RPTOR: variants seen among roughly 807,000 people sequenced by gnomAD.
RPTOR encodes the protein regulatory-associated protein of mTOR.
In RPTOR, 21 loss-of-function variants were observed where a neutral mutation model predicts 169.9. The ratio of observed to expected loss-of-function variants is 0.12; its 90% CI spans 0.09 to 0.18. RPTOR has a LOEUF of 0.18. Ranked by LOEUF, RPTOR falls within the 10% of genes least tolerant of loss-of-function variation. The pLI is 1.00. For missense variants in RPTOR, 1,133 were observed against 1,855.9 expected, an observed-to-expected ratio of 0.61 and a Z score of 7.16; for synonymous variants, 732 against 753.2, an observed-to-expected ratio of 0.97 and a Z score of 0.46.
chr17:80,694,970 A>G (rs117429647), intron 3 of RPTOR, among the ~76,000 whole-genome samples: 4,528 of 152,268 alleles, frequency 0.03, 80 homozygotes, highest in Non-Finnish European at 0.039. Context: ...GGTGCTCCCC[A>G]GAAGCCTCTG....
At chr17:80,552,707 A>G (rs1380441691) in intron 1 of RPTOR, among the ~76,000 whole-genome samples, 2 of 152,236 alleles carry the variant, frequency 1.3e-5, no homozygotes, top group Non-Finnish European at 2.9e-5. Context: ...CGTGTTACTG[A>G]TGAGGTAACT....
chr17:80,695,456 T>C lies in RPTOR; in HGVS notation c.349-12385T>C, dbSNP rs1258987606. On this transcript the variant is annotated intron_variant, in intron 3 of 33. Coordinates refer to ENST00000306801, the MANE Select transcript of RPTOR (RefSeq NM_020761.3). The surrounding 1 kb of genome is among the most constrained non-coding windows in gnomAD (Gnocchi z 4.9). ...GACCTGTGCTCTCTCCCTGTAACAG[T>C]GGCCTCTGTTACAGAGGGGCAGGTG... Among the ~76,000 whole-genome samples, 1 of 152,152 alleles carries C rather than the reference T, an allele frequency of 6.6e-6. No homozygotes were observed. The highest frequency in any genetic ancestry group is 6.5e-5 in the Admixed American group (1 of 15,280).
intron 21 of RPTOR, among the ~76,000 whole-genome samples, chr17:80,913,871 A>G (rs1025037988): frequency 4.6e-5 from 7 of 152,310 alleles, no homozygotes; most frequent in Admixed American, 2.6e-4. Flanking sequence ...TTTTAGGACA[A>G]TGCCAAGAAA....
Position 80,928,323 on chromosome 17 carries a change from A to G in RPTOR, c.2919+2843A>G, listed in dbSNP as rs117944522. 6.6e-3 allele frequency among the ~76,000 whole-genome samples: 1,000 copies of G among 152,314 alleles called. 5 individuals are homozygous for G. The highest frequency in any genetic ancestry group is 0.011 in the Non-Finnish European group (748 of 68,030). On this transcript the variant is annotated intron_variant, in intron 24 of 33. Transcript: ENST00000306801. ...TTTTACTGATTTAATTCATCATCTAATGACATTTGTGTAACGAGCTGCATT... is the reference window on the plus strand; with the variant it reads ...TTTTACTGATTTAATTCATCATCTAGTGACATTTGTGTAACGAGCTGCATT...
chr17:80,846,646 G>C, intron 11 of RPTOR, 72 bp downstream of exon 11: 1 of 1,295,650 alleles, frequency 7.7e-7, no homozygotes, highest in Non-Finnish European at 1.1e-6. Flanking sequence ...TACAGCCCCG[G>C]GAGTGCCTTC....
chr17:80,767,816 T>C (rs2066802631), intron 6 of RPTOR, among the ~76,000 whole-genome samples: 1 of 152,044 alleles, frequency 6.6e-6, no homozygotes, highest in Admixed American at 6.5e-5. Context: ...ACAAATCAGC[T>C]TACTTCCCTA....
At chr17:80,925,221 G>A in intron 23 of RPTOR, 149 bp from the exon 24 acceptor site, 3 of 643,266 alleles carry the variant, frequency 4.7e-6, no homozygotes, top group Non-Finnish European at 8.1e-6. Flanking sequence ...GGATACGGAA[G>A]TGAGCAGAGC....
intron 6 of RPTOR, among the ~76,000 whole-genome samples, chr17:80,762,864 A>C (rs1206554168): frequency 6.6e-6 from 1 of 152,190 alleles, no homozygotes; most frequent in African/African-American, 2.4e-5. Context: ...AAAAACGTAG[A>C]AAAGGAGAAA....
rs59248030 is a variant in RPTOR at position 80,768,010 on chromosome 17, C to T, written c.830+13825C>T. Among the ~76,000 whole-genome samples the T allele has an allele frequency of 8.6e-3, 1,309 of 152,126 alleles. 31 individuals carry two copies. The highest frequency in any genetic ancestry group is 0.03 in the African/African-American group (1,235 of 41,496). On this transcript the variant is annotated intron_variant, in intron 6 of 33. Coordinates refer to ENST00000306801, the MANE Select transcript of RPTOR (RefSeq NM_020761.3). ...TTCTGAGTAGCTGGGATTACAGGCA[C>T]GTAACACCATGCCTGGCTAATTTTT... is the stretch of plus-strand genomic sequence containing the variant.
At chr17:80,637,295 C>T (rs542840685) in intron 2 of RPTOR, among the ~76,000 whole-genome samples, 99 of 152,332 alleles carry the variant, frequency 6.5e-4, no homozygotes, top group Middle Eastern at 3.4e-3. Context: ...CCTGCTAGGT[C>T]ATCCGGATGA....
intron 6 of RPTOR, among the ~76,000 whole-genome samples, chr17:80,768,636 C>T (rs9890313): frequency 0.27 from 41,518 of 151,870 alleles, 5,841 homozygotes; most frequent in African/African-American, 0.33. Context: ...TTGTCTCCTG[C>T]TTGATGTCAT....
chr17:80,901,541 T>C (rs1191436714), intron 20 of RPTOR, among the ~76,000 whole-genome samples: 1 of 152,118 alleles, frequency 6.6e-6, no homozygotes, highest in Non-Finnish European at 1.5e-5. Context: ...GAGGTGTCAC[T>C]CACACCACCT....
chr17:80,782,236 A>T (rs1469516865), intron 6 of RPTOR, among the ~76,000 whole-genome samples: 1 of 152,162 alleles, frequency 6.6e-6, no homozygotes, highest in East Asian at 1.9e-4. Context: ...GTGGAAATTG[A>T]CACGGTGGAC....
At chr17:80,832,694 G>A (rs1051653519) in intron 9 of RPTOR, among the ~76,000 whole-genome samples, 3 of 152,150 alleles carry the variant, frequency 2.0e-5, no homozygotes, top group Non-Finnish European at 2.9e-5. Flanking sequence ...GAGCATCACC[G>A]GGGGCTCTGC....
intron 17 of RPTOR, among the ~76,000 whole-genome samples, chr17:80,889,164 T>A (rs763525621): frequency 6.6e-6 from 1 of 152,222 alleles, no homozygotes; most frequent in Non-Finnish European, 1.5e-5. Flanking sequence ...CAGCACTTGC[T>A]CACAGGTGGA....
chr17:80,687,364 C>G (rs1248885876), intron 3 of RPTOR, among the ~76,000 whole-genome samples: 1 of 152,234 alleles, frequency 6.6e-6, no homozygotes, highest in Non-Finnish European at 1.5e-5. Context: ...CCCACTCAGC[C>G]CATGTTTGTC....
At chr17:80,550,437 A>G (rs2084330640) in intron 1 of RPTOR, among the ~76,000 whole-genome samples, 1 of 152,128 alleles carries the variant, frequency 6.6e-6, no homozygotes, top group Non-Finnish European at 1.5e-5. Flanking sequence ...CTTGGACCCC[A>G]TTCTCTGTTC....
chr17:80,865,684 A>G (rs1480979016), intron 13 of RPTOR, among the ~76,000 whole-genome samples: 1 of 152,084 alleles, frequency 6.6e-6, no homozygotes, highest in Non-Finnish European at 1.5e-5. Flanking sequence ...TGCGAGGAGA[A>G]GTAGATAAAT....
intron 20 of RPTOR, among the ~76,000 whole-genome samples, chr17:80,895,708 G>A (rs927191436): frequency 6.6e-6 from 1 of 152,194 alleles, no homozygotes; most frequent in Non-Finnish European, 1.5e-5. Flanking sequence ...GGCCTTCCAC[G>A]GGATCCTCTG....
Sources: gnomAD v4.1 joint callset for allele counts (sites outside exome capture counted in the v4.1 genomes callset) on GRCh38, gnomAD v4.1.1 for gene constraint, Gnocchi (gnomAD v3.1) non-coding constraint, MANE v1.5 for transcripts, NCBI Gene and HGNC (gene_info 2026-07-23, HGNC 2026-07-21) for gene names.